DMC1: variants seen among roughly 807,000 people sequenced by gnomAD.
The protein encoded by DMC1 is DNA meiotic recombinase 1.
In DMC1, 27 loss-of-function variants were observed where a neutral mutation model predicts 50.1. That is an observed-to-expected ratio of 0.54 (90% CI 0.40 to 0.74). DMC1 has a LOEUF of 0.74. DMC1 is among the 30% of genes least tolerant of loss of function. The probability of loss-of-function intolerance (pLI) is 0.00; values close to 1 mark genes in which losing one functional copy is unlikely to be tolerated. For missense variants in DMC1, 295 were observed against 420.2 expected, an observed-to-expected ratio of 0.70 and a Z score of 2.60; for synonymous variants, 148 against 136.1, an observed-to-expected ratio of 1.09 and a Z score of -0.61.
In DMC1 at chr22:38,538,599, C is replaced by T. The variant is rs772154761; in HGVS notation, c.600G>A (p.Met200Ile). The T allele has an allele frequency of 6.2e-7, 1 of 1,613,840 alleles. No individual in the cohort carries two copies. The highest frequency in any genetic ancestry group is 1.1e-5 in the South Asian group (1 of 91,080). ...YARAYTSEHQ[M>I]ELLDYVAAKF... Reference sequence around the variant, plus strand: ...TTGCTGCTACATAATCAAGTAGCTCCATCTGATGTTCACCTGATGGGAAAT... The same window carrying T: ...TTGCTGCTACATAATCAAGTAGCTCTATCTGATGTTCACCTGATGGGAAAT... The change falls in exon 10 of 14, where the codon ATG becomes ATA. Residue 200 changes from methionine to isoleucine, a missense_variant. Transcript: ENST00000216024.
At chr22:38,527,972 G>T (rs781657045) in intron 12 of DMC1, among the ~76,000 whole-genome samples, 2 of 151,858 alleles carry the variant, frequency 1.3e-5, no homozygotes, top group Non-Finnish European at 2.9e-5. Context: ...TTACCTTGGG[G>T]TACCTTTATG....
chr22:38,520,151 A>G (rs546371397), intron 13 of DMC1, 62 bp from the exon 14 acceptor site: 2 of 1,352,738 alleles, frequency 1.5e-6, no homozygotes, highest in African/African-American at 2.9e-5. Flanking sequence ...TACTATATTC[A>G]TGTCACAGGC....
chr22:38,536,217 TA>T (rs201225574), intron 12 of DMC1, among the ~76,000 whole-genome samples: 153 of 143,798 alleles, frequency 1.1e-3, no homozygotes, highest in Admixed American at 2.7e-3. Flanking sequence ...CCTTGTCTCT[TA>T]AAAAAAAAAA....
chr22:38,510,500 CAA>C, the DMC1 span, among the ~76,000 whole-genome samples: 3 of 152,104 alleles, frequency 2.0e-5, no homozygotes, highest in Non-Finnish European at 4.4e-5. Flanking sequence ...CGCTGAATGA[CAA>C]GAGACAATGT....
At chr22:38,524,576 C>T (rs1218838643) in intron 12 of DMC1, among the ~76,000 whole-genome samples, 1 of 152,064 alleles carries the variant, frequency 6.6e-6, no homozygotes, top group Non-Finnish European at 1.5e-5. Context: ...CTAAAACTTC[C>T]TTTTTTCTGA....
intron 5 of DMC1, among the ~76,000 whole-genome samples, chr22:38,557,553 A>C (rs1196370161): frequency 2.0e-5 from 3 of 152,254 alleles, no homozygotes; most frequent in African/African-American, 7.2e-5. Context: ...AGAAAATACC[A>C]AAATTAGCCA....
At chr22:38,516,292 A>T (rs915993947), downstream of DMC1, among the ~76,000 whole-genome samples, 2 of 152,198 alleles carry the variant, frequency 1.3e-5, no homozygotes, top group African/African-American at 4.8e-5. Flanking sequence ...GCCAGATGCC[A>T]TATTGAAACC....
chr22:38,521,599 A>G lies in DMC1; in HGVS notation c.953+9T>C, dbSNP rs780649273. 6.3e-7 allele frequency: 1 copy of G among 1,579,648 alleles called. No individual in the cohort carries two copies. ...CACACACACACACACAAAATAAAAA[A>G]AAATTTACCTGTCATAAATCTTGGC... On this transcript the variant is annotated intron_variant, in intron 13 of 13. Coordinates refer to ENST00000216024, the MANE Select transcript of DMC1 (RefSeq NM_007068.4).
chr22:38,515,642 T>C (rs1027281843), downstream of DMC1, among the ~76,000 whole-genome samples: 1 of 151,616 alleles, frequency 6.6e-6, no homozygotes, highest in Non-Finnish European at 1.5e-5. Flanking sequence ...CTACTAAAAA[T>C]ACAAAACTTA....
intron 13 of DMC1, among the ~76,000 whole-genome samples, chr22:38,520,917 C>A (rs1247610511): frequency 6.6e-6 from 1 of 150,378 alleles, no homozygotes; most frequent in Non-Finnish European, 1.5e-5. Context: ...CACTCTGTCG[C>A]CCGGGCTGGA....
intron 12 of DMC1, among the ~76,000 whole-genome samples, chr22:38,537,063 G>A (rs999995516): frequency 2.0e-5 from 3 of 152,036 alleles, no homozygotes; most frequent in African/African-American, 7.2e-5. Context: ...TGTTGGCCAG[G>A]CTGGTCTTGA....
intron 8 of DMC1, among the ~76,000 whole-genome samples, chr22:38,546,966 C>T (rs186420693): frequency 1.3e-5 from 2 of 152,218 alleles, no homozygotes; most frequent in Admixed American, 1.3e-4. Context: ...AACAAAAATA[C>T]AGGAAAAAAT....
At chr22:38,534,546 T>C (rs951929071) in intron 12 of DMC1, among the ~76,000 whole-genome samples, 15 of 151,214 alleles carry the variant, frequency 9.9e-5, no homozygotes, top group African/African-American at 3.7e-4. Flanking sequence ...CTACTAAAAA[T>C]ACAAAAATTA....
At chr22:38,548,695 G>A (rs1009234520) in intron 8 of DMC1, among the ~76,000 whole-genome samples, 3 of 152,202 alleles carry the variant, frequency 2.0e-5, no homozygotes, top group Non-Finnish European at 2.9e-5. Flanking sequence ...CCAACATGGC[G>A]AAACCCCATC....
chr22:38,513,489 C>T, the DMC1 span, among the ~76,000 whole-genome samples: 1 of 152,248 alleles, frequency 6.6e-6, no homozygotes, highest in Non-Finnish European at 1.5e-5. Flanking sequence ...ACTAGCCACA[C>T]TTGGTGTCTA....
chr22:38,512,039 A>G, the DMC1 span, among the ~76,000 whole-genome samples: 6 of 151,904 alleles, frequency 3.9e-5, no homozygotes, highest in African/African-American at 1.5e-4. Flanking sequence ...CAGTGGCACA[A>G]TCTTGGCTCA....
rs2089998322 is a variant in DMC1 at position 38,519,263 on chromosome 22, TG to T, written c.*756del. The T allele has an allele frequency of 6.6e-6, 1 of 152,052 alleles. No individual in the cohort carries two copies. The highest frequency in any genetic ancestry group is 2.4e-5 in the African/African-American group (1 of 41,400). The allele number at this position is 152,052 out of a possible 1,614,324, so 9.4% of individuals were successfully genotyped here. On this transcript the variant is annotated 3_prime_UTR_variant, in exon 14 of 14. Transcript: ENST00000216024. ...TTTTAGTAGAGATGGGGTTTCTCCA[TG>T]TTGGCCAGGCTGGTCTTGAACTCCT...
At chr22:38,513,606 T>C in the DMC1 span, among the ~76,000 whole-genome samples, 1 of 152,150 alleles carries the variant, frequency 6.6e-6, no homozygotes, top group Non-Finnish European at 1.5e-5. Context: ...AGACGGAGTT[T>C]CACTCTTGTT....
chr22:38,514,201 T>A (rs1302258401), downstream of DMC1, among the ~76,000 whole-genome samples: 1 of 149,634 alleles, frequency 6.7e-6, no homozygotes, highest in Non-Finnish European at 1.5e-5. Context: ...CTGGGTAAAA[T>A]AAGGCTGAGA....
Sources: allele counts gnomAD v4.1 joint callset (sites outside exome capture counted in the v4.1 genomes callset), GRCh38; gene constraint gnomAD v4.1.1; transcripts MANE v1.5; gene names NCBI Gene and HGNC (gene_info 2026-07-23, HGNC 2026-07-21).